NDUFA6: variants seen among roughly 807,000 people sequenced by gnomAD.
The protein encoded by NDUFA6 is NADH dehydrogenase [ubiquinone] 1 alpha subcomplex subunit 6.
A neutral mutation model predicts 12.5 loss-of-function variants in NDUFA6; 10 were observed. The observed-to-expected ratio is 0.80, with a 90% CI of 0.49 to 1.35. NDUFA6 has a LOEUF of 1.35. Ranked by LOEUF, NDUFA6 falls within the 40% of genes most tolerant of loss-of-function variation. NDUFA6 has a pLI of 0.00. For missense variants in NDUFA6, 177 were observed against 173.5 expected, an observed-to-expected ratio of 1.02 and a Z score of -0.11; for synonymous variants, 66 against 63.0, an observed-to-expected ratio of 1.05 and a Z score of -0.23.
At chr22:42,086,364 A>G (rs200898094) in intron 2 of NDUFA6, 50 bp from the exon 3 acceptor site, 15 of 1,611,598 alleles carry the variant, frequency 9.3e-6, no homozygotes, top group Non-Finnish European at 1.3e-5. Flanking sequence ...AGTTGAAGGC[A>G]TATGACACTG....
rs1219157716 is a variant in NDUFA6, at chr22:42,087,087, G to A, written c.228C>T (p.Pro76=). ...TAATGACCAGAAGATCAACCACCCT[G>A]GGGTCTGTGACATGGGCATTCTTCA... ...MFMKNAHVTD[P]RVVDLLVIKG... The change falls in exon 2 of 3, where the codon CCC becomes CCT. Residue 76 remains proline, a synonymous_variant. Transcript: ENST00000498737. The A allele has an allele frequency of 6.2e-7, 1 of 1,613,970 alleles. No individual in the cohort carries two copies. Among genetic ancestry groups the A allele is most frequent in the Non-Finnish European group, 8.5e-7 (1 of 1,179,830 alleles).
intron 1 of NDUFA6, among the ~76,000 whole-genome samples, chr22:42,090,190 CAAAA>C (rs936295051): frequency 1.3e-5 from 2 of 152,020 alleles, no homozygotes; most frequent in African/African-American, 2.4e-5. Context: ...CTGTCACAAA[CAAAA>C]AAATCCAACG....
At chr22:42,087,767 A>G (rs1354953067) in intron 1 of NDUFA6, among the ~76,000 whole-genome samples, 1 of 146,252 alleles carries the variant, frequency 6.8e-6, no homozygotes, top group Non-Finnish European at 1.5e-5. Context: ...GCACCACTGC[A>G]CTCCAGCCTG....
intron 2 of NDUFA6, 79 bp downstream of exon 2, chr22:42,086,981 C>T: frequency 1.9e-6 from 2 of 1,028,162 alleles, no homozygotes; most frequent in Admixed American, 3.4e-5. Flanking sequence ...AACTTGGAGA[C>T]AAAATGTTCA....
intron 2 of NDUFA6, among the ~76,000 whole-genome samples, chr22:42,086,759 C>T (rs932434383): frequency 6.6e-6 from 1 of 152,206 alleles, no homozygotes; most frequent in Non-Finnish European, 1.5e-5. Flanking sequence ...CAGCTGTAAA[C>T]TGGCATTCAG....
intron 1 of NDUFA6, among the ~76,000 whole-genome samples, chr22:42,088,651 G>C (rs755636017): frequency 1.3e-5 from 2 of 150,660 alleles, no homozygotes; most frequent in Non-Finnish European, 3.0e-5. Flanking sequence ...AACCCGGGAG[G>C]TGGAGGTTGC....
At position 42,090,730 on chromosome 22, in the gene NDUFA6, G is replaced by A. The variant is rs1458320375; in HGVS notation, c.15C>T (p.Gly5=). ...TGGCGGTAGAAGTAGCTTGGCGGAC[G>A]CCGCTCCCCGCCATCTTGCCAAAGC... MAGS[G]VRQATSTAST... Residue 5 remains glycine, a synonymous_variant, in exon 1 of 3, where the codon GGC becomes GGT. Coordinates refer to ENST00000498737, the MANE Select transcript of NDUFA6 (RefSeq NM_002490.6). The A allele has an allele frequency of 3.7e-6, 6 of 1,614,014 alleles. No individual in the cohort carries two copies. Among genetic ancestry groups the A allele is most frequent in the Admixed American group, 1.7e-5 (1 of 60,012 alleles).
Position 42,090,707 on chromosome 22 carries a change from G to A in NDUFA6, c.38C>T (p.Ala13Val), listed in dbSNP as rs201118326. Residue 13 changes from alanine (A) to valine (V), a missense_variant, in exon 1 of 3, where the codon GCC becomes GTC. Physicochemically the swap from Ala to Val is moderately conservative, Grantham distance 64. Coordinates refer to ENST00000498737, the MANE Select transcript of NDUFA6 (RefSeq NM_002490.6). ...GSGVRQATST[A>V]STFVKPIFSR... ...GAAAATGGGCTTCACGAAGGTGCTG[G>A]CGGTAGAAGTAGCTTGGCGGACGCC... 2.7e-5 allele frequency: 44 copies of A among 1,614,046 alleles called. No homozygotes were observed. In the Admixed American group the frequency reaches 7.2e-4, roughly 26 times the overall value.
At chr22:42,087,225 C>T (rs1358276715) in intron 1 of NDUFA6, 50 bp from the exon 2 acceptor site, 1 of 1,356,502 alleles carries the variant, frequency 7.4e-7, no homozygotes, top group East Asian at 2.3e-5. Flanking sequence ...TTAAATAAAA[C>T]CTAGAGTCAA....
intron 1 of NDUFA6, among the ~76,000 whole-genome samples, chr22:42,088,251 C>G (rs1928393972): frequency 7.2e-6 from 1 of 139,400 alleles, no homozygotes; most frequent in African/African-American, 2.7e-5. Flanking sequence ...ACTAAAAATA[C>G]AAAAAATTAG....
chr22:42,086,980 A>T, intron 2 of NDUFA6, 80 bp downstream of exon 2: 1 of 1,012,826 alleles, frequency 9.9e-7, no homozygotes, highest in Non-Finnish European at 1.6e-6. Context: ...AAACTTGGAG[A>T]CAAAATGTTC....
At position 42,090,525 on chromosome 22, in the gene NDUFA6, G is replaced by A. The variant is rs1928573917; in HGVS notation, c.139+81C>T. The A allele has an allele frequency of 2.0e-6, 3 of 1,531,678 alleles. No individual in the cohort carries two copies. The Admixed American group carries it at 5.0e-5, about 26-fold the overall frequency. 94.9% of individuals were successfully genotyped at this position (1,531,678 alleles called of 1,614,324 possible). A position where few individuals can be genotyped will look rare whatever the true frequency, so the allele number is the denominator to read the frequency against. Reference sequence around the variant, plus strand: ...CTGCCCAAGTTGGTGACCTCAGCTGGGCCCATGAGAAACCCCGGCCGGGCC... The same window carrying A: ...CTGCCCAAGTTGGTGACCTCAGCTGAGCCCATGAGAAACCCCGGCCGGGCC... On this transcript the variant is annotated intron_variant, in intron 1 of 2. Transcript: ENST00000498737.
Position 42,087,286 on chromosome 22 carries a change from A to C in NDUFA6, c.140-111T>G, listed in dbSNP as rs77787361. Reference sequence around the variant, plus strand: ...TCGCCCATTCATTTCTTCACCAAAAAATTAGCCTGACCCTAGGCTAGGTGC... The same window carrying C: ...TCGCCCATTCATTTCTTCACCAAAACATTAGCCTGACCCTAGGCTAGGTGC... On this transcript the variant is annotated intron_variant, in intron 1 of 2. Coordinates refer to ENST00000498737, the MANE Select transcript of NDUFA6 (RefSeq NM_002490.6). 2.2e-4 allele frequency: 178 copies of C among 827,620 alleles called. No individual in the cohort carries two copies. In the African/African-American group the frequency reaches 2.8e-3, roughly 13 times the overall value. 51.3% of individuals were successfully genotyped at this position (827,620 alleles called of 1,614,324 possible).
rs59418535 is a variant in NDUFA6 at position 42,089,327 on chromosome 22, A to AACACACACACACACACAC, written c.139+1261_139+1278dup. Among the ~76,000 whole-genome samples, 682 of 147,228 alleles carry AACACACACACACACACAC rather than the reference A, an allele frequency of 4.6e-3. 2 individuals are homozygous for AACACACACACACACACAC. Among genetic ancestry groups the AACACACACACACACACAC allele is most frequent in the African/African-American group, 0.016 (641 of 39,338 alleles). ...GCTGAATTTGAATGCACCACCCCGA[A>AACACACACACACACACAC]ACACACACACACACACACACACACA... On this transcript the variant is annotated intron_variant, in intron 1 of 2. Transcript: ENST00000498737.
chr22:42,088,506 G>A (rs1027611847), intron 1 of NDUFA6, among the ~76,000 whole-genome samples: 29 of 152,300 alleles, frequency 1.9e-4, no homozygotes, highest in Admixed American at 9.8e-4. Context: ...GATCACCTGA[G>A]GTCAGGAGTT....
rs1315521779 is a variant in NDUFA6 at position 42,086,000 on chromosome 22, ACAC to A, written c.*180_*182del. The A allele has an allele frequency of 1.6e-5, 12 of 745,730 alleles. No homozygotes were observed. Among genetic ancestry groups the A allele is most frequent in the Non-Finnish European group, 2.7e-5 (12 of 438,974 alleles). The allele number at this position is 745,730 out of a possible 1,614,324, so 46.2% of individuals were successfully genotyped here. A position where few individuals can be genotyped will look rare whatever the true frequency, so the allele number is the denominator to read the frequency against. On this transcript the variant is annotated 3_prime_UTR_variant, in exon 3 of 3. Coordinates refer to ENST00000498737, the MANE Select transcript of NDUFA6 (RefSeq NM_002490.6). Reference sequence around the variant, plus strand: ...AATAATTCAATCCAATTTACAGCAAACACCACATTTCAAGAAAAGGGAAAGAAC... The same window carrying A: ...AATAATTCAATCCAATTTACAGCAAACACATTTCAAGAAAAGGGAAAGAAC...
Position 42,086,113 on chromosome 22 carries a change from G to A in NDUFA6, c.*70C>T. The stretch of plus-strand genomic sequence containing the variant: ...TTCATCAATGGAATTCTATCACAAA[G>A]TGACCATTGTATAGTGAGTTTATTT... On this transcript the variant is annotated 3_prime_UTR_variant, in exon 3 of 3. Transcript: ENST00000498737. 1 of 1,609,494 alleles carries A rather than the reference G, an allele frequency of 6.2e-7. No homozygotes were observed. Among genetic ancestry groups the A allele is most frequent in the Non-Finnish European group, 8.5e-7 (1 of 1,176,254 alleles).
In NDUFA6 at chr22:42,086,200, CAT is replaced by C. The variant is rs1569463811; in HGVS notation, c.368_369del (p.Tyr123CysfsTer23). The C allele has an allele frequency of 6.2e-7, 1 of 1,614,106 alleles. No homozygotes were observed. Among genetic ancestry groups the C allele is most frequent in the Admixed American group, 1.7e-5 (1 of 60,004 alleles). On this transcript the variant is annotated frameshift_variant, in exon 3 of 3. Transcript: ENST00000498737. LOFTEE classifies it high-confidence loss of function. ...PRPKDFLSKF[Y>X]VGHDP is the part of the protein sequence containing the mutation. ...GAATGACTTCATGGATCGTGGCCAA[CAT>C]AGAACTTGGATAGGAAATCCTTTGG...
At position 42,090,710 on chromosome 22, in the gene NDUFA6, G is replaced by T. The variant is rs772723460; in HGVS notation, c.35C>A (p.Thr12Asn). ...AATGGGCTTCACGAAGGTGCTGGCG[G>T]TAGAAGTAGCTTGGCGGACGCCGCT... ...AGSGVRQATS[T>N]ASTFVKPIFS... Residue 12 changes from threonine to asparagine, a missense_variant, in exon 1 of 3, where the codon ACC (threonine) becomes AAC (asparagine). Coordinates refer to ENST00000498737, the MANE Select transcript of NDUFA6 (RefSeq NM_002490.6). 2 of 1,614,062 alleles carry T rather than the reference G, an allele frequency of 1.2e-6. No individual in the cohort carries two copies. The highest frequency in any genetic ancestry group is 1.3e-5 in the African/African-American group (1 of 74,948).
Sources: gnomAD v4.1 joint callset for allele counts (sites outside exome capture counted in the v4.1 genomes callset) on GRCh38, gnomAD v4.1.1 for gene constraint, MANE v1.5 for transcripts, NCBI Gene and HGNC (gene_info 2026-07-23, HGNC 2026-07-21) for gene names.